Variants in SLC24A3 observed in about 807,000 individuals in gnomAD.
SLC24A3 encodes the protein sodium/potassium/calcium exchanger 3.
In SLC24A3, 28 loss-of-function variants were observed where a neutral mutation model predicts 75.8. The ratio of observed to expected loss-of-function variants is 0.37; its 90% CI spans 0.27 to 0.51. The LOEUF (loss-of-function observed/expected upper bound fraction) is 0.51. SLC24A3 is among the 20% of genes least tolerant of loss of function. The pLI is 0.94. For missense variants in SLC24A3, 663 were observed against 847.8 expected (o/e 0.78, Z 2.71); for synonymous variants, 372 against 334.1 (o/e 1.11, Z -1.24).
chr20:19,546,434 C>G (rs752038242), intron 3 of SLC24A3, among the ~76,000 whole-genome samples: 6 of 152,070 alleles, frequency 3.9e-5, no homozygotes, highest in Non-Finnish European at 5.9e-5. Flanking sequence ...GATTACAAAC[C>G]AAATCTCATC....
rs574051456 is a variant in SLC24A3, at chr20:19,235,822, A to G, written c.142+22838A>G. ...CCTACAAGGTGCAACTGAGCCCTGC[A>G]GCCTGCACCTGGAGCCTCCAGATTT... On this transcript the variant is annotated intron_variant, in intron 1 of 16. Transcript: ENST00000328041. Among the ~76,000 whole-genome samples the G allele has an allele frequency of 5.3e-5, 8 of 152,338 alleles. No individual in the cohort carries two copies. The South Asian group carries it at 1.7e-3, about 32-fold the overall frequency.
At position 19,717,554 on chromosome 20, in the gene SLC24A3, C is replaced by T. The variant is rs1047209781; in HGVS notation, c.1746C>T (p.Ile582=). ...SYIRLNSRGL[I]YSVGLLLASV... Reference sequence around the variant, plus strand: ...TCCGGCTGAATAGCAGGGGGCTGATCTACTCCGTAGGCTTGCTCCTGGCCT... The same window carrying T: ...TCCGGCTGAATAGCAGGGGGCTGATTTACTCCGTAGGCTTGCTCCTGGCCT... Residue 582 remains isoleucine (I), a synonymous_variant, in exon 16 of 17, where the codon ATC becomes ATT. Coordinates refer to ENST00000328041, the MANE Select transcript of SLC24A3 (RefSeq NM_020689.4). 6.2e-6 allele frequency: 10 copies of T among 1,614,046 alleles called. No individual in the cohort carries two copies. In the African/African-American group the frequency reaches 1.1e-4, roughly 17 times the overall value.
At chr20:19,377,887 A>G (rs1344471260) in intron 2 of SLC24A3, among the ~76,000 whole-genome samples, 1 of 152,134 alleles carries the variant, frequency 6.6e-6, no homozygotes, top group Non-Finnish European at 1.5e-5. Flanking sequence ...AATCTGCTCA[A>G]TCACATTTTT....
rs779398514 is a variant in SLC24A3 at position 19,212,897 on chromosome 20, C to T, written c.55C>T (p.Arg19Trp). ...RARRRRRRRR[R>W]RDLLLSQLCF... is the part of the protein sequence containing the mutation. ...GCGTCGCCGCCGCCGCCGCCGCCGC[C>T]GGAGGGACCTTCTGCTGAGCCAGCT... Residue 19 changes from arginine (R) to tryptophan (W), a missense_variant, in exon 1 of 17, where the codon CGG becomes TGG. By Grantham distance (101) the Arg-to-Trp change is moderately radical. Around this residue, in one of 2 missense-constraint regions of SLC24A3, gnomAD observed 153 missense variants for 144.2 expected, o/e 1.06. Coordinates refer to ENST00000328041, the MANE Select transcript of SLC24A3 (RefSeq NM_020689.4). The T allele has an allele frequency of 1.5e-6, 2 of 1,323,098 alleles. No individual in the cohort carries two copies. The highest frequency in any genetic ancestry group is 2.2e-5 in the South Asian group (1 of 45,170). 82.0% of individuals were successfully genotyped at this position (1,323,098 alleles called of 1,614,324 possible). A position where few individuals can be genotyped will look rare whatever the true frequency, so the allele number is the denominator to read the frequency against.
chr20:19,445,376 C>G (rs900429727), intron 2 of SLC24A3, among the ~76,000 whole-genome samples: 7 of 152,148 alleles, frequency 4.6e-5, no homozygotes, highest in Admixed American at 6.5e-5. Context: ...TCATAGATAT[C>G]TGGGCCAGAA....
At chr20:19,692,298 G>C (rs1294754206) in intron 12 of SLC24A3, among the ~76,000 whole-genome samples, 1 of 152,150 alleles carries the variant, frequency 6.6e-6, no homozygotes, top group African/African-American at 2.4e-5. Flanking sequence ...CAAGAGAGAT[G>C]AAACATGACC....
At chr20:19,577,302 G>T (rs140574781) in intron 3 of SLC24A3, among the ~76,000 whole-genome samples, 1 of 152,120 alleles carries the variant, frequency 6.6e-6, no homozygotes, top group Non-Finnish European at 1.5e-5. Flanking sequence ...TGATCTGCCC[G>T]CCTCGGCCTC....
intron 1 of SLC24A3, among the ~76,000 whole-genome samples, chr20:19,261,088 C>T (rs1243241200): frequency 6.6e-6 from 1 of 152,202 alleles, no homozygotes; most frequent in Admixed American, 6.5e-5. Context: ...AATCAGACAC[C>T]ACCTTTCACA....
intron 3 of SLC24A3, among the ~76,000 whole-genome samples, chr20:19,530,997 A>G (rs182030006): frequency 6.6e-6 from 1 of 152,288 alleles, no homozygotes; most frequent in Non-Finnish European, 1.5e-5. Context: ...ATTGTCCCCA[A>G]AATAATAATA....
At chr20:19,216,786 G>A (rs2328368) in intron 1 of SLC24A3, among the ~76,000 whole-genome samples, 30,436 of 152,152 alleles carry the variant, frequency 0.2, 3,221 homozygotes, top group Non-Finnish European at 0.24. Flanking sequence ...AAAGTTAGTG[G>A]TGTAAAACAG....
At chr20:19,709,845 T>C (rs1475844599) in intron 15 of SLC24A3, among the ~76,000 whole-genome samples, 1 of 152,176 alleles carries the variant, frequency 6.6e-6, no homozygotes, top group Non-Finnish European at 1.5e-5. Context: ...GTCTCATCTT[T>C]CAAATGGGGA....
intron 9 of SLC24A3, among the ~76,000 whole-genome samples, chr20:19,675,893 G>A (rs928297698): frequency 2.0e-5 from 3 of 152,110 alleles, no homozygotes; most frequent in Admixed American, 2.0e-4. Flanking sequence ...TCAAACTACT[G>A]TCTGTGTGTG....
At chr20:19,556,576 G>A (rs1600279174) in intron 3 of SLC24A3, among the ~76,000 whole-genome samples, 3 of 131,018 alleles carry the variant, frequency 2.3e-5, no homozygotes, top group Non-Finnish European at 3.3e-5. Context: ...GCCAGTGTGT[G>A]AAAAAAAAAA....
At chr20:19,628,647 C>T (rs547077262) in intron 6 of SLC24A3, among the ~76,000 whole-genome samples, 3 of 152,268 alleles carry the variant, frequency 2.0e-5, no homozygotes, top group Admixed American at 2.0e-4. Flanking sequence ...GGAAACAGCA[C>T]ACTTTTGATA....
intron 13 of SLC24A3, 96 bp from the exon 14 acceptor site, chr20:19,696,701 C>G (rs2122141629): frequency 1.2e-6 from 1 of 804,006 alleles, no homozygotes; most frequent in East Asian, 2.5e-5. Context: ...AGAGATAGCC[C>G]AGACCATAGC....
chr20:19,544,479 C>T (rs2030555292), intron 3 of SLC24A3, among the ~76,000 whole-genome samples: 1 of 152,182 alleles, frequency 6.6e-6, no homozygotes. Context: ...ACGTGAAATT[C>T]TAGCGCTTGT....
intron 6 of SLC24A3, among the ~76,000 whole-genome samples, chr20:19,630,874 GA>G (rs2031924915): frequency 6.6e-6 from 1 of 152,186 alleles, no homozygotes; most frequent in African/African-American, 2.4e-5. Flanking sequence ...ATGGTGCTCT[GA>G]AAACAGCCTC....
chr20:19,352,351 T>C lies in SLC24A3; in HGVS notation c.271+71264T>C, dbSNP rs191745666. On this transcript the variant is annotated intron_variant, in intron 2 of 16. Transcript: ENST00000328041. ...GCCCTGCACTCACAGTAGCTGGCAC[T>C]GCGGTACCAACCACTAAGAGAGACC... Among the ~76,000 whole-genome samples the C allele has an allele frequency of 2.7e-3, 406 of 152,232 alleles. 3 individuals carry two copies. Among genetic ancestry groups the C allele is most frequent in the African/African-American group, 9.5e-3 (394 of 41,548 alleles).
chr20:19,653,967 A>T, intron 6 of SLC24A3, 95 bp from the exon 7 acceptor site: 1 of 946,160 alleles, frequency 1.1e-6, no homozygotes, highest in Non-Finnish European at 1.7e-6. Flanking sequence ...GCAGGACAGG[A>T]GGCCTAGACA....
Sources: gnomAD v4.1 joint callset for allele counts (sites outside exome capture counted in the v4.1 genomes callset) on GRCh38, gnomAD v4.1.1 for gene constraint, gnomAD v4.1.1 regional missense constraint, MANE v1.5 for transcripts, NCBI Gene and HGNC (gene_info 2026-07-23, HGNC 2026-07-21) for gene names.